ARL14EPL: variants seen among roughly 807,000 people sequenced by gnomAD.
ARL14EPL encodes the protein ARL14 effector protein-like.
Under a neutral mutation model 15.9 loss-of-function variants are expected in ARL14EPL, and 17 were observed. The ratio of observed to expected loss-of-function variants is 1.07; its 90% confidence interval spans 0.73 to 1.60. ARL14EPL has a LOEUF of 1.60. ARL14EPL is among the 40% of genes most tolerant of loss of function. The probability of loss-of-function intolerance (pLI) is 0.00; values close to 1 mark genes in which losing one functional copy is unlikely to be tolerated. For synonymous variants in ARL14EPL, 78 were observed against 63.8 expected (o/e 1.22, Z -1.06); for missense variants, 214 against 185.9 (o/e 1.15, Z -0.88).
chr5:116,047,925 G>A (rs892294111), intron 1 of ARL14EPL, among the ~76,000 whole-genome samples: 2 of 152,174 alleles, frequency 1.3e-5, no homozygotes, highest in African/African-American at 2.4e-5. Flanking sequence ...AGATAAGAGG[G>A]CAGAAGACAG....
At chr5:116,043,865 T>C (rs1462641111) in intron 1 of ARL14EPL, among the ~76,000 whole-genome samples, 1 of 152,206 alleles carries the variant, frequency 6.6e-6, no homozygotes, top group Non-Finnish European at 1.5e-5. Flanking sequence ...TGTATTTCAG[T>C]GTTGCTGTAG....
chr5:116,048,682 G>C (rs1749317338), intron 1 of ARL14EPL, among the ~76,000 whole-genome samples: 1 of 152,122 alleles, frequency 6.6e-6, no homozygotes, highest in Non-Finnish European at 1.5e-5. Context: ...GGCAACTCGA[G>C]TGGGATCCCT....
intron 3 of ARL14EPL, among the ~76,000 whole-genome samples, chr5:116,057,479 A>T (rs186370901): frequency 6.6e-6 from 1 of 152,218 alleles, no homozygotes; most frequent in African/African-American, 2.4e-5. Context: ...ACAGGAGAAT[A>T]TTTGAGTTAA....
chr5:116,039,203 A>G (rs989418884), intron 1 of ARL14EPL, among the ~76,000 whole-genome samples: 1 of 152,142 alleles, frequency 6.6e-6, no homozygotes, highest in African/African-American at 2.4e-5. Context: ...CTCCCAAGTC[A>G]ACACACCTAA....
At chr5:116,041,626 G>A (rs756914510) in intron 1 of ARL14EPL, among the ~76,000 whole-genome samples, 12 of 152,050 alleles carry the variant, frequency 7.9e-5, no homozygotes, top group Non-Finnish European at 1.6e-4. Context: ...AGTGCACTTT[G>A]CAGTTTAGCC....
At chr5:116,055,243 C>G (rs554517199) in intron 3 of ARL14EPL, among the ~76,000 whole-genome samples, 8 of 152,174 alleles carry the variant, frequency 5.3e-5, no homozygotes, top group Non-Finnish European at 2.9e-5. Flanking sequence ...GGTACAACCA[C>G]TATTTAAAAA....
At position 116,058,537 on chromosome 5, in the gene ARL14EPL, G is replaced by A. The variant is rs116191077; in HGVS notation, c.237-188G>A. Among the ~76,000 whole-genome samples the A allele has an allele frequency of 7.4e-3, 1,122 of 152,262 alleles. 13 individuals carry two copies. The highest frequency in any genetic ancestry group is 0.026 in the African/African-American group (1,075 of 41,538). ...CTGAATTTCCCGTGACGTCACTGCC[G>A]TACAATATTCTGGAGTGTTTCTGGT... is the stretch of plus-strand genomic sequence containing the variant. On this transcript the variant is annotated intron_variant, in intron 3 of 3. Transcript: ENST00000686077.
chr5:116,056,228 C>T (rs1488051410), intron 3 of ARL14EPL, among the ~76,000 whole-genome samples: 1 of 151,986 alleles, frequency 6.6e-6, no homozygotes, highest in African/African-American at 2.4e-5. Flanking sequence ...GCCACACTGA[C>T]TTCCACAAGG....
At chr5:116,043,545 T>C (rs746007046) in intron 1 of ARL14EPL, among the ~76,000 whole-genome samples, 3 of 152,220 alleles carry the variant, frequency 2.0e-5, no homozygotes, top group Non-Finnish European at 2.9e-5. Context: ...TAAAAAGTGA[T>C]ATAAAGTTCT....
chr5:116,035,960 G>C (rs942683489), intron 1 of ARL14EPL, among the ~76,000 whole-genome samples: 1 of 152,232 alleles, frequency 6.6e-6, no homozygotes, highest in African/African-American at 2.4e-5. Flanking sequence ...GAGCAAGCAA[G>C]CACCTTCTTT....
In ARL14EPL at chr5:116,053,929, A is replaced by C. The variant is rs954763; in HGVS notation, c.97-85A>C. The C allele has an allele frequency of 0.73, 843,138 of 1,157,798 alleles. 316,347 individuals are homozygous for C. Among genetic ancestry groups the C allele is most frequent in the Non-Finnish European group, 0.79 (664,165 of 845,690 alleles). 71.7% of individuals were successfully genotyped at this position (1,157,798 alleles called of 1,614,324 possible). A position where few individuals can be genotyped will look rare whatever the true frequency, so the allele number is the denominator to read the frequency against. ...ATATACTTTCATGCCTTTATGGTGA[A>C]AGTTACAGAAAGTTCATTTTGGGGA... On this transcript the variant is annotated intron_variant, in intron 2 of 3. Transcript: ENST00000686077.
intron 2 of ARL14EPL, 35 bp from the exon 3 acceptor site, chr5:116,053,979 G>A: frequency 1.3e-6 from 2 of 1,499,706 alleles, no homozygotes; most frequent in South Asian, 1.3e-5. Flanking sequence ...AAAACTATCT[G>A]GTTCTTACTA....
chr5:116,040,434 T>G (rs1749128299), intron 1 of ARL14EPL, among the ~76,000 whole-genome samples: 2 of 150,100 alleles, frequency 1.3e-5, no homozygotes, highest in African/African-American at 2.4e-5. Flanking sequence ...ATTAAAGGAG[T>G]GATTAAAGAG....
At position 116,055,366 on chromosome 5, in the gene ARL14EPL, A is replaced by G. The variant is rs914966939; in HGVS notation, c.236+1213A>G. ...TAGGGAGATATGTTTAAGAAGTTTC[A>G]TGGCATCACTGAAATAGCAAAGAAA... On this transcript the variant is annotated intron_variant, in intron 3 of 3. Transcript: ENST00000686077. Among the ~76,000 whole-genome samples, 50 of 152,370 alleles carry G rather than the reference A, an allele frequency of 3.3e-4. 1 individual carries two copies. Among genetic ancestry groups the G allele is most frequent in the Admixed American group, 3.3e-3 (50 of 15,310 alleles).
chr5:116,032,741 G>T (rs183615866), intron 1 of ARL14EPL, among the ~76,000 whole-genome samples: 285 of 152,262 alleles, frequency 1.9e-3, no homozygotes, highest in South Asian at 3.7e-3. Flanking sequence ...ACCTTGGAAG[G>T]TAGCATATAA....
chr5:116,044,525 A>T (rs927159242), intron 1 of ARL14EPL, among the ~76,000 whole-genome samples: 1 of 152,056 alleles, frequency 6.6e-6, no homozygotes, highest in Non-Finnish European at 1.5e-5. Context: ...ATATATATGT[A>T]GTGCTATTAG....
At chr5:116,055,608 C>T (rs564858936) in intron 3 of ARL14EPL, among the ~76,000 whole-genome samples, 2 of 151,554 alleles carry the variant, frequency 1.3e-5, no homozygotes, top group African/African-American at 4.8e-5. Context: ...ATAACTAAGA[C>T]CAAAACAAGG....
intron 1 of ARL14EPL, among the ~76,000 whole-genome samples, chr5:116,048,648 C>T (rs553940627): frequency 5.9e-5 from 9 of 152,120 alleles, no homozygotes; most frequent in East Asian, 3.9e-4. Flanking sequence ...AAGTGATGAA[C>T]ATAAGTAAAA....
At chr5:116,038,596 G>A (rs1334159013) in intron 1 of ARL14EPL, among the ~76,000 whole-genome samples, 6 of 151,742 alleles carry the variant, frequency 4.0e-5, no homozygotes, top group Non-Finnish European at 7.4e-5. Flanking sequence ...GTGACACAAT[G>A]CAGACAAGAA....
Sources: allele counts gnomAD v4.1 joint callset (sites outside exome capture counted in the v4.1 genomes callset), GRCh38; gene constraint gnomAD v4.1.1; transcripts MANE v1.5; gene names NCBI Gene and HGNC (gene_info 2026-07-23, HGNC 2026-07-21).